Variants in NEGR1 observed in about 807,000 individuals in gnomAD.
NEGR1 encodes the protein neuronal growth regulator 1.
In NEGR1, 10 loss-of-function variants were observed where a neutral mutation model predicts 40.9. The observed-to-expected ratio is 0.24, with a 90% CI of 0.15 to 0.42. The LOEUF is 0.42. NEGR1 is among the 10% of genes least tolerant of loss of function. The pLI is 1.00. For missense variants in NEGR1, 352 were observed against 438.9 expected, an observed-to-expected ratio of 0.80 and a Z score of 1.77; for synonymous variants, 185 against 166.8, an observed-to-expected ratio of 1.11 and a Z score of -0.84.
chr1:72,265,314 T>C (rs1476838150), intron 1 of NEGR1, among the ~76,000 whole-genome samples: 2 of 151,006 alleles, frequency 1.3e-5, no homozygotes, highest in Non-Finnish European at 3.0e-5. Flanking sequence ...CCTTTAATTT[T>C]AATTAATTTT....
chr1:72,081,113 G>C (rs1262425302), intron 1 of NEGR1, among the ~76,000 whole-genome samples: 1 of 152,114 alleles, frequency 6.6e-6, no homozygotes, highest in Non-Finnish European at 1.5e-5. Context: ...ACTTTCAGTT[G>C]TACTGGTCAG....
chr1:71,844,213 G>A (rs1279212460), intron 2 of NEGR1, among the ~76,000 whole-genome samples: 1 of 152,148 alleles, frequency 6.6e-6, no homozygotes, highest in East Asian at 1.9e-4. Flanking sequence ...AACTATGGAT[G>A]TAACCATCCC....
At chr1:71,458,157 C>T (rs1250476036) in intron 6 of NEGR1, among the ~76,000 whole-genome samples, 1 of 152,190 alleles carries the variant, frequency 6.6e-6, no homozygotes, top group Non-Finnish European at 1.5e-5. Context: ...CTCATTTATT[C>T]ATTCCAAGAT....
At chr1:71,531,511 A>T (rs931486287) in intron 6 of NEGR1, among the ~76,000 whole-genome samples, 2 of 151,384 alleles carry the variant, frequency 1.3e-5, no homozygotes, top group African/African-American at 4.8e-5. Context: ...CTGAGATTAT[A>T]TTAATCTGTA....
At chr1:71,621,188 G>T (rs183288337) in intron 4 of NEGR1, among the ~76,000 whole-genome samples, 4 of 151,920 alleles carry the variant, frequency 2.6e-5, no homozygotes, top group Admixed American at 2.6e-4. Context: ...ATTAAAACCT[G>T]GATGAGTATA....
chr1:71,415,940 T>A, intron 6 of NEGR1, among the ~76,000 whole-genome samples: 1 of 152,042 alleles, frequency 6.6e-6, no homozygotes, highest in Non-Finnish European at 1.5e-5. Context: ...GTATGTGTGT[T>A]TTAAACTCTG....
At chr1:72,142,868 G>A (rs948067857) in intron 1 of NEGR1, among the ~76,000 whole-genome samples, 3 of 151,850 alleles carry the variant, frequency 2.0e-5, no homozygotes, top group Admixed American at 2.0e-4. Flanking sequence ...CTATTAGAAT[G>A]TATCTAATAC....
chr1:71,457,971 G>A (rs1646685846), intron 6 of NEGR1, among the ~76,000 whole-genome samples: 1 of 152,064 alleles, frequency 6.6e-6, no homozygotes, highest in Admixed American at 6.6e-5. Context: ...CAAAGTGCTG[G>A]GATTACAGGC....
chr1:71,760,036 A>G (rs560409008), intron 3 of NEGR1, among the ~76,000 whole-genome samples: 96 of 152,314 alleles, frequency 6.3e-4, no homozygotes, highest in Non-Finnish European at 1.2e-3. Context: ...TCGAATTCAC[A>G]AAATGTGGAC....
chr1:71,602,726 C>T (rs1570093408), intron 5 of NEGR1, among the ~76,000 whole-genome samples: 1 of 152,264 alleles, frequency 6.6e-6, no homozygotes, highest in East Asian at 1.9e-4. Flanking sequence ...AATTTTCTTA[C>T]TTAGTACTTA....
chr1:71,438,152 T>A (rs1481541638), intron 6 of NEGR1, among the ~76,000 whole-genome samples: 1 of 152,210 alleles, frequency 6.6e-6, no homozygotes, highest in East Asian at 1.9e-4. Context: ...GCTTTGAGGA[T>A]GTTTATGTAT....
intron 6 of NEGR1, among the ~76,000 whole-genome samples, chr1:71,528,954 CT>C (rs557344392): frequency 6.6e-6 from 1 of 151,092 alleles, no homozygotes; most frequent in African/African-American, 2.4e-5. Flanking sequence ...TCTACATTGA[CT>C]TTTTTTGGTT....
chr1:71,739,202 A>G (rs1361249571), intron 3 of NEGR1, among the ~76,000 whole-genome samples: 1 of 123,996 alleles, frequency 8.1e-6, no homozygotes, highest in East Asian at 2.8e-4. Flanking sequence ...GCAGGCAGAA[A>G]AAAAAAAAAA....
intron 6 of NEGR1, among the ~76,000 whole-genome samples, chr1:71,577,378 A>G (rs1464499967): frequency 6.6e-6 from 1 of 152,196 alleles, no homozygotes; most frequent in African/African-American, 2.4e-5. Flanking sequence ...TCACCTAGGA[A>G]GAAGCCTATA....
chr1:71,832,272 G>A (rs112528140), intron 2 of NEGR1, among the ~76,000 whole-genome samples: 1 of 151,980 alleles, frequency 6.6e-6, no homozygotes, highest in African/African-American at 2.4e-5. Context: ...ATAGCACTAT[G>A]AACTGACAAC....
chr1:72,005,828 A>G (rs535603589), intron 1 of NEGR1, among the ~76,000 whole-genome samples: 108 of 152,298 alleles, frequency 7.1e-4, no homozygotes, highest in African/African-American at 2.5e-3. Flanking sequence ...GAAATCAACT[A>G]CAGTATAAAA....
At chr1:72,194,626 C>A (rs753026194) in intron 1 of NEGR1, among the ~76,000 whole-genome samples, 2 of 152,026 alleles carry the variant, frequency 1.3e-5, no homozygotes, top group Non-Finnish European at 2.9e-5. Flanking sequence ...CCACAGCACA[C>A]TGGAGATGAT....
intron 6 of NEGR1, among the ~76,000 whole-genome samples, chr1:71,507,883 A>T (rs1647045976): frequency 6.6e-6 from 1 of 152,204 alleles, no homozygotes; most frequent in African/African-American, 2.4e-5. Context: ...CACCAAACTA[A>T]TCTTAGAAGC....
At chr1:71,545,721 C>T (rs369303643) in intron 6 of NEGR1, among the ~76,000 whole-genome samples, 34 of 151,618 alleles carry the variant, frequency 2.2e-4, no homozygotes, top group Non-Finnish European at 3.7e-4. Flanking sequence ...TACTGGCAGC[C>T]GCCTCTATAG....
Sources: allele counts gnomAD v4.1 joint callset (sites outside exome capture counted in the v4.1 genomes callset), GRCh38; gene constraint gnomAD v4.1.1; transcripts MANE v1.5; gene names NCBI Gene and HGNC (gene_info 2026-07-23, HGNC 2026-07-21).